TECPR2: variants seen among roughly 807,000 people sequenced by gnomAD.
TECPR2 encodes tectonin beta-propeller repeat containing 2, also known as tectonin beta-propeller repeat-containing protein 2.
A neutral mutation model predicts 138.1 loss-of-function variants in TECPR2; 65 were observed. That is an observed-to-expected ratio of 0.47 (90% CI 0.39 to 0.58). The LOEUF is 0.58. Ranked by LOEUF, TECPR2 falls within the 20% of genes least tolerant of loss-of-function variation. The pLI is 0.00. For synonymous variants in TECPR2, 746 were observed against 749.8 expected, an observed-to-expected ratio of 0.99 and a Z score of 0.08; for missense variants, 1,553 against 1,824.5, an observed-to-expected ratio of 0.85 and a Z score of 2.71.
rs566537015 is a variant in TECPR2, at chr14:102,378,630, A to G, written c.219+1690A>G. ...GTCTCTAGGGTCTGTATTAATATAT[A>G]TATATATTTTTGAGACGGAGTTTCA... On this transcript the variant is annotated intron_variant, in intron 2 of 19. Transcript: ENST00000359520. 3.3e-5 allele frequency among the ~76,000 whole-genome samples: 5 copies of G among 151,966 alleles called. No homozygotes were observed. In the East Asian group the frequency reaches 7.7e-4, roughly 24 times the overall value.
intron 16 of TECPR2, among the ~76,000 whole-genome samples, chr14:102,456,260 G>T (rs1342474227): frequency 6.6e-6 from 1 of 152,214 alleles, no homozygotes; most frequent in African/African-American, 2.4e-5. Context: ...TTGTGCCACA[G>T]GGAGGACAAA....
chr14:102,428,243 T>TTTTTTTTC lies in TECPR2; in HGVS notation c.952-6_952-5insTTTTTTCT. ...TTTTGTTTTTTTTTTTTTTTTTTTT[T>TTTTTTTTC]TGACAGGCCACAGTTGCTGGTTTGG... is the stretch of plus-strand genomic sequence containing the variant. On this transcript the variant is annotated splice_polypyrimidine_tract_variant and splice_region_variant and intron_variant, in intron 6 of 19. Transcript: ENST00000359520. The TTTTTTTTC allele has an allele frequency of 6.9e-7, 1 of 1,445,848 alleles. No homozygotes were observed. The allele number at this position is 1,445,848 out of a possible 1,614,324, so 89.6% of individuals were successfully genotyped here.
At position 102,434,414 on chromosome 14, in the gene TECPR2, G is replaced by A. The variant is rs201876768; in HGVS notation, c.1597G>A (p.Glu533Lys). 4 of 1,528,752 alleles carry A rather than the reference G, an allele frequency of 2.6e-6. No individual in the cohort carries two copies. The highest frequency in any genetic ancestry group is 2.6e-6 in the Non-Finnish European group (3 of 1,139,364). 94.7% of individuals were successfully genotyped at this position (1,528,752 alleles called of 1,614,324 possible). The change falls in exon 9 of 20, where the codon GAA becomes AAA. Residue 533 changes from glutamate (E) to lysine (K), a missense_variant. Physicochemically the swap from Glu to Lys is moderately conservative, Grantham distance 56. Coordinates refer to ENST00000359520, the MANE Select transcript of TECPR2 (RefSeq NM_014844.5). Reference sequence around the variant, plus strand: ...AGACCAGGAAAGCAGCTTCAATGGTGAAGTGAACGGTGTCCCACAGGAAAA... The same window carrying A: ...AGACCAGGAAAGCAGCTTCAATGGTAAAGTGAACGGTGTCCCACAGGAAAA... ...SPDQESSFNGEVNGVPQENTD... is the reference protein window; with the variant it reads ...SPDQESSFNGKVNGVPQENTD...
intron 9 of TECPR2, among the ~76,000 whole-genome samples, chr14:102,436,226 C>T (rs7141398): frequency 0.042 from 6,371 of 152,286 alleles, 158 homozygotes; most frequent in Middle Eastern, 0.092. Context: ...CCTCACTCAC[C>T]CTCTGTGCTG....
In TECPR2 at chr14:102,443,361, A is replaced by G. The variant is rs553960091; in HGVS notation, c.2753-286A>G. On this transcript the variant is annotated intron_variant, in intron 11 of 19. Transcript: ENST00000359520. The surrounding 1 kb of genome is among the most constrained non-coding windows in gnomAD (Gnocchi z 4.9). ...CTTTATGTTGATTAAACTTGACAAC[A>G]AAAAAGCGGCCGGACAGGGCAGCTC... Among the ~76,000 whole-genome samples the G allele has an allele frequency of 2.2e-4, 33 of 152,324 alleles. No homozygotes were observed. In the South Asian group the frequency reaches 6.4e-3, roughly 30 times the overall value.
chr14:102,466,978 G>A (rs1201357506), intron 17 of TECPR2, among the ~76,000 whole-genome samples: 1 of 152,178 alleles, frequency 6.6e-6, no homozygotes, highest in Non-Finnish European at 1.5e-5. Flanking sequence ...GTTCATCCAC[G>A]TTGTAGGTGT....
chr14:102,474,981 C>G (rs916399439), intron 17 of TECPR2, among the ~76,000 whole-genome samples: 4 of 152,158 alleles, frequency 2.6e-5, no homozygotes, highest in African/African-American at 9.7e-5. Flanking sequence ...GTGGTTGTGC[C>G]GGGCCTCCTC....
chr14:102,434,679 C>T lies in TECPR2; in HGVS notation c.1862C>T (p.Ser621Phe), dbSNP rs763705318. ...TTACCCTTCCAAGAACAGGACAGCT[C>T]TCCTGGGGCGCATGATGGGGAAGAC... ...TQLPFQEQDS[S>F]PGAHDGEDIQ... The change falls in exon 9 of 20, where the codon TCT (serine) becomes TTT (phenylalanine). Residue 621 changes from serine to phenylalanine, a missense_variant. Coordinates refer to ENST00000359520, the MANE Select transcript of TECPR2 (RefSeq NM_014844.5). 2.5e-6 allele frequency: 4 copies of T among 1,612,630 alleles called. No individual in the cohort carries two copies. In the Admixed American group the frequency reaches 6.7e-5, roughly 27 times the overall value.
intron 17 of TECPR2, among the ~76,000 whole-genome samples, chr14:102,475,748 A>C (rs1890743793): frequency 6.6e-6 from 1 of 152,190 alleles, no homozygotes; most frequent in African/African-American, 2.4e-5. Context: ...GAGAAGCAGG[A>C]AAATACGACC....
chr14:102,499,648 C>CGGG lies in TECPR2; in HGVS notation c.*1392_*1393insGGG. On this transcript the variant is annotated 3_prime_UTR_variant, in exon 20 of 20. Coordinates refer to ENST00000359520, the MANE Select transcript of TECPR2 (RefSeq NM_014844.5). The stretch of plus-strand genomic sequence containing the variant: ...TTCAGACAATGGGCAGTGCCCACCC[C>CGGG]GCCCACTGGCATCTGCGTGTGAGGG... The CGGG allele has an allele frequency of 5.0e-6, 1 of 199,054 alleles. No individual in the cohort carries two copies. The highest frequency in any genetic ancestry group is 9.4e-5 in the South Asian group (1 of 10,616). The allele number at this position is 199,054 out of a possible 1,614,324, so 12.3% of individuals were successfully genotyped here.
rs562501101 is a variant in TECPR2, at chr14:102,413,387, A to AT, written c.481-1248dup. Among the ~76,000 whole-genome samples the AT allele has an allele frequency of 1.5e-3, 220 of 149,012 alleles. 1 individual carries two copies. The highest frequency in any genetic ancestry group is 6.5e-3 in the South Asian group (31 of 4,768). On this transcript the variant is annotated intron_variant, in intron 4 of 19. Coordinates refer to ENST00000359520, the MANE Select transcript of TECPR2 (RefSeq NM_014844.5). Reference sequence around the variant, plus strand: ...TCATATATATATAATGTATATATATATATATTTTTTGAGACAGAGTCTCAC... The same window carrying AT: ...TCATATATATATAATGTATATATATATTATATTTTTTGAGACAGAGTCTCAC...
chr14:102,475,963 C>A (rs562338213), intron 17 of TECPR2, among the ~76,000 whole-genome samples: 3 of 152,040 alleles, frequency 2.0e-5, no homozygotes, highest in Non-Finnish European at 4.4e-5. Flanking sequence ...ACCTGTAATC[C>A]CAGCACATTG....
At chr14:102,382,680 G>C (rs79078424) in intron 2 of TECPR2, among the ~76,000 whole-genome samples, 6,063 of 152,216 alleles carry the variant, frequency 0.04, 138 homozygotes, top group Middle Eastern at 0.088. Context: ...CACATTTAGA[G>C]TAGACTAAGC....
intron 1 of TECPR2, among the ~76,000 whole-genome samples, chr14:102,376,189 C>G (rs1887635058): frequency 6.6e-6 from 1 of 152,158 alleles, no homozygotes; most frequent in South Asian, 2.1e-4. Flanking sequence ...TTTCCTGTTT[C>G]TCTTTTCCAT....
intron 17 of TECPR2, among the ~76,000 whole-genome samples, chr14:102,496,607 C>T (rs1247799510): frequency 6.6e-6 from 1 of 152,240 alleles, no homozygotes; most frequent in East Asian, 1.9e-4. Flanking sequence ...GTGGCAGGGG[C>T]TCCTGGGCTG....
At chr14:102,481,821 GA>G (rs1353661321) in intron 17 of TECPR2, among the ~76,000 whole-genome samples, 1 of 152,138 alleles carries the variant, frequency 6.6e-6, no homozygotes. Context: ...TGCGGGAAGA[GA>G]AGCATGCAGA....
chr14:102,432,396 T>C lies in TECPR2; in HGVS notation c.1417+268T>C, dbSNP rs1889524505. Among the ~76,000 whole-genome samples the C allele has an allele frequency of 2.0e-5, 3 of 152,114 alleles. No individual in the cohort carries two copies. In the South Asian group the frequency reaches 6.2e-4, roughly 32 times the overall value. On this transcript the variant is annotated intron_variant, in intron 8 of 19. Transcript: ENST00000359520. ...CTTAAAGGGTCTCAGTTTTGTACTT[T>C]TCAATATTTATTTATGTATTTATAT... is the stretch of plus-strand genomic sequence containing the variant.
chr14:102,494,336 A>G (rs1396208683), intron 17 of TECPR2, among the ~76,000 whole-genome samples: 1 of 152,086 alleles, frequency 6.6e-6, no homozygotes, highest in East Asian at 1.9e-4. Context: ...GGAGGTCAGG[A>G]GTTCTAGATC....
chr14:102,407,005 A>C (rs1888675990), intron 2 of TECPR2, among the ~76,000 whole-genome samples: 1 of 152,130 alleles, frequency 6.6e-6, no homozygotes, highest in South Asian at 2.1e-4. Flanking sequence ...GATTACAGGC[A>C]TCTGCCACCA....
Sources: allele counts gnomAD v4.1 joint callset (sites outside exome capture counted in the v4.1 genomes callset), GRCh38; gene constraint gnomAD v4.1.1; non-coding constraint Gnocchi (gnomAD v3.1); transcripts MANE v1.5; gene names NCBI Gene and HGNC (gene_info 2026-07-23, HGNC 2026-07-21).